The following NRXN3 variants were observed in gnomAD, a reference collection of about 807,000 sequenced individuals.
The protein encoded by NRXN3 is neurexin III.
NRXN3 carries 32 observed loss-of-function variants against 137.6 expected under a neutral mutation model. That is an observed-to-expected ratio of 0.23 (90% CI 0.18 to 0.31). The LOEUF (loss-of-function observed/expected upper bound fraction) is 0.31. NRXN3 is among the 10% of genes least tolerant of loss of function. The pLI is 1.00. For synonymous variants in NRXN3, 798 were observed against 784.5 expected (o/e 1.02, Z -0.29); for missense variants, 1,574 against 2,062.5 (o/e 0.76, Z 4.59).
intron 19 of NRXN3, among the ~76,000 whole-genome samples, chr14:79,790,205 G>T (rs1289505642): frequency 1.3e-5 from 2 of 152,156 alleles, no homozygotes; most frequent in African/African-American, 2.4e-5. Context: ...GCCAGCATCT[G>T]CTTGGCTTCT....
At chr14:78,509,221 C>A (rs1322640334) in intron 4 of NRXN3, among the ~76,000 whole-genome samples, 2 of 152,120 alleles carry the variant, frequency 1.3e-5, no homozygotes, top group African/African-American at 4.8e-5. Context: ...ATTGCTTGAA[C>A]CCGGGAGGCA....
At chr14:79,676,667 T>G (rs1221541453) in intron 17 of NRXN3, among the ~76,000 whole-genome samples, 4 of 151,984 alleles carry the variant, frequency 2.6e-5, no homozygotes, top group African/African-American at 9.7e-5. Context: ...ACTACAGTCA[T>G]TTCAGTGTTT....
intron 15 of NRXN3, among the ~76,000 whole-genome samples, chr14:79,000,958 C>T (rs1238205509): frequency 6.6e-6 from 1 of 152,078 alleles, no homozygotes; most frequent in Non-Finnish European, 1.5e-5. Flanking sequence ...GCATATTGTC[C>T]TATTATATAA....
intron 15 of NRXN3, among the ~76,000 whole-genome samples, chr14:79,326,588 A>T (rs1274464200): frequency 6.6e-6 from 1 of 152,180 alleles, no homozygotes; most frequent in African/African-American, 2.4e-5. Context: ...CACTTGAAAT[A>T]ACAAGAAAGA....
intron 16 of NRXN3, among the ~76,000 whole-genome samples, chr14:79,504,528 C>T (rs564031545): frequency 7.4e-4 from 112 of 151,134 alleles, no homozygotes; most frequent in Non-Finnish European, 1.4e-3. Context: ...CTTCATATTA[C>T]TACAAGTTAG....
At chr14:79,091,800 G>A (rs189536297) in intron 15 of NRXN3, among the ~76,000 whole-genome samples, 35 of 152,064 alleles carry the variant, frequency 2.3e-4, no homozygotes, top group Non-Finnish European at 3.5e-4. Context: ...TACCAAGTAG[G>A]AACAAAAGTG....
chr14:78,513,386 G>C (rs931331045), intron 4 of NRXN3, among the ~76,000 whole-genome samples: 2 of 152,112 alleles, frequency 1.3e-5, no homozygotes, highest in African/African-American at 2.4e-5. Flanking sequence ...ATTAGAAGTT[G>C]GTGGAGACGG....
At chr14:79,661,735 T>C (rs894392552) in intron 16 of NRXN3, 8 of 152,128 alleles carry the variant, frequency 5.3e-5, no homozygotes, top group Non-Finnish European at 8.8e-5. Context: ...CATTCTTCTT[T>C]TTCTTTTCCT....
Position 79,235,812 on chromosome 14 carries a change from ACT to A in NRXN3, c.3263-231406_3263-231405del, listed in dbSNP as rs141691996. ...TGGATGTGTAAATCTGTAATGAATG[ACT>A]CTGAGTAAAGATTGTACTCATCATC... is the stretch of plus-strand genomic sequence containing the variant. On this transcript the variant is annotated intron_variant, in intron 15 of 20. Transcript: ENST00000335750. Among the ~76,000 whole-genome samples the A allele has an allele frequency of 8.0e-3, 1,224 of 152,160 alleles. 34 individuals carry two copies. In the South Asian group the frequency reaches 0.085, roughly 11 times the overall value.
chr14:78,718,414 C>T (rs1294042809), intron 8 of NRXN3, among the ~76,000 whole-genome samples: 3 of 152,098 alleles, frequency 2.0e-5, no homozygotes, highest in Non-Finnish European at 2.9e-5. Flanking sequence ...CCAGGTCAGA[C>T]ACTAGACACT....
At chr14:79,500,889 C>G (rs1169373588) in intron 16 of NRXN3, among the ~76,000 whole-genome samples, 1 of 152,194 alleles carries the variant, frequency 6.6e-6, no homozygotes, top group African/African-American at 2.4e-5. Flanking sequence ...TTTATTGTAT[C>G]TGTCAGCAAT....
Position 78,957,317 on chromosome 14 carries a change from G to C in NRXN3, c.2351G>C (p.Arg784Thr). The stretch of plus-strand genomic sequence containing the variant: ...TGGCACACCGTTCGGGTGGTGCGGA[G>C]AGGAAAAAGCCTTAAGTTAACCGTG... Reference protein sequence around the residue: ...NEWHTVRVVRRGKSLKLTVDD... With the variant: ...NEWHTVRVVRTGKSLKLTVDD... Residue 784 changes from arginine to threonine, a missense_variant, in exon 11 of 21, where the codon AGA becomes ACA. Transcript: ENST00000335750. 1 of 1,614,130 alleles carries C rather than the reference G, an allele frequency of 6.2e-7. No homozygotes were observed. The highest frequency in any genetic ancestry group is 8.5e-7 in the Non-Finnish European group (1 of 1,180,018).
chr14:78,748,884 A>G (rs894927360), intron 8 of NRXN3, among the ~76,000 whole-genome samples: 2 of 152,208 alleles, frequency 1.3e-5, no homozygotes, highest in African/African-American at 2.4e-5. Flanking sequence ...AGCAATCACT[A>G]TGCTGGGAAT....
At chr14:78,924,361 A>G (rs1009110428) in intron 10 of NRXN3, among the ~76,000 whole-genome samples, 3 of 152,216 alleles carry the variant, frequency 2.0e-5, no homozygotes, top group Admixed American at 1.3e-4. Flanking sequence ...ACACCCAAAC[A>G]ACCATGTAAA....
intron 10 of NRXN3, among the ~76,000 whole-genome samples, chr14:78,941,575 A>T (rs1020637012): frequency 6.6e-6 from 1 of 152,052 alleles, no homozygotes; most frequent in Admixed American, 6.6e-5. Flanking sequence ...TCTACCCATC[A>T]CTCACACATT....
chr14:79,270,014 G>A (rs778127440), intron 15 of NRXN3, among the ~76,000 whole-genome samples: 3 of 152,260 alleles, frequency 2.0e-5, no homozygotes, highest in Non-Finnish European at 4.4e-5. Context: ...CCAGGCATTG[G>A]GTTTGAGCCT....
In NRXN3 at chr14:78,185,215, G is replaced by T. The variant is rs560215167; in HGVS notation, c.-704+14541G>T. Among the ~76,000 whole-genome samples the T allele has an allele frequency of 1.1e-3, 167 of 152,184 alleles. 1 individual carries two copies. Among genetic ancestry groups the T allele is most frequent in the Non-Finnish European group, 2.0e-3 (138 of 68,034 alleles). ...TGAATGTACCTAATCACTGCAGGAG[G>T]CCTCGATCTATTATAGGATAGAGGG... On this transcript the variant is annotated intron_variant, in intron 1 of 20. Transcript: ENST00000335750.
chr14:79,734,548 A>G (rs2098935333), intron 19 of NRXN3, among the ~76,000 whole-genome samples: 2 of 152,176 alleles, frequency 1.3e-5, no homozygotes, highest in Non-Finnish European at 2.9e-5. Context: ...CAATAATTGT[A>G]TATTATTTTG....
intron 10 of NRXN3, among the ~76,000 whole-genome samples, chr14:78,843,749 A>G (rs1342016948): frequency 1.3e-5 from 2 of 152,114 alleles, no homozygotes; most frequent in Non-Finnish European, 2.9e-5. Context: ...TTGCTTTAGT[A>G]TTAGTTGAAA....
Sources: allele counts gnomAD v4.1 joint callset (sites outside exome capture counted in the v4.1 genomes callset), GRCh38; gene constraint gnomAD v4.1.1; transcripts MANE v1.5; gene names NCBI Gene and HGNC (gene_info 2026-07-23, HGNC 2026-07-21).